CNIH3: variants seen among roughly 807,000 people sequenced by gnomAD.
CNIH3 encodes protein cornichon homolog 3.
Under a neutral mutation model 24.1 loss-of-function variants are expected in CNIH3, and 14 were observed. That is an observed-to-expected ratio of 0.58 (90% CI 0.38 to 0.91). CNIH3 has a LOEUF of 0.91. CNIH3 is among the 40% of genes least tolerant of loss of function. The pLI, the probability that CNIH3 is intolerant of heterozygous loss-of-function variation, is 0.00. For synonymous variants in CNIH3, 68 were observed against 73.8 expected, an observed-to-expected ratio of 0.92 and a Z score of 0.40; for missense variants, 178 against 196.8, an observed-to-expected ratio of 0.90 and a Z score of 0.57.
chr1:224,737,229 G>C (rs1689640981), intron 5 of CNIH3, among the ~76,000 whole-genome samples: 1 of 151,656 alleles, frequency 6.6e-6, no homozygotes, highest in Non-Finnish European at 1.5e-5. Context: ...GGTGGGAGGG[G>C]GTGGGGTAGG....
chr1:224,542,847 A>G (rs1282134758), intron 2 of CNIH3, among the ~76,000 whole-genome samples: 2 of 152,184 alleles, frequency 1.3e-5, no homozygotes, highest in Admixed American at 6.5e-5. Context: ...TTCTCCTGCT[A>G]TTGTATAATA....
chr1:224,645,048 G>A (rs1217183692), intron 1 of CNIH3, among the ~76,000 whole-genome samples: 1 of 152,194 alleles, frequency 6.6e-6, no homozygotes, highest in African/African-American at 2.4e-5. Flanking sequence ...CACTGGGAGT[G>A]GCGAACAGTG....
At position 224,617,024 on chromosome 1, in the gene CNIH3, C is replaced by A; in HGVS notation, c.-151C>A. On this transcript the variant is annotated 5_prime_UTR_variant, in exon 1 of 6. Coordinates refer to ENST00000272133, the MANE Select transcript of CNIH3 (RefSeq NM_152495.2). ...AATCCAGCGCTTATTCGCTGACCCT[C>A]GAGTCGCTTCGCTAGCTGTGCGCCC... is the stretch of plus-strand genomic sequence containing the variant. The A allele has an allele frequency of 7.0e-7, 1 of 1,424,946 alleles. No individual in the cohort carries two copies. Among genetic ancestry groups the A allele is most frequent in the Non-Finnish European group, 9.1e-7 (1 of 1,093,546 alleles). The allele number at this position is 1,424,946 out of a possible 1,614,324, so 88.3% of individuals were successfully genotyped here. A position where few individuals can be genotyped will look rare whatever the true frequency, so the allele number is the denominator to read the frequency against.
chr1:224,719,631 G>A (rs933681777), intron 3 of CNIH3, among the ~76,000 whole-genome samples: 13 of 152,128 alleles, frequency 8.5e-5, no homozygotes, highest in Non-Finnish European at 2.9e-5. Flanking sequence ...ACTCATAACA[G>A]TCCTATGAAT....
rs541515227 is a variant in CNIH3, at chr1:224,570,698, T to C, written n.516+4434T>C. Among the ~76,000 whole-genome samples, 4 of 152,322 alleles carry C rather than the reference T, an allele frequency of 2.6e-5. No homozygotes were observed. In the South Asian group the frequency reaches 6.2e-4, roughly 24 times the overall value. ...TCCAATTTTAGCTTAGCCAAACTTA[T>C]CAAACATTTCCTTTATAGTTTATAT... On this transcript the variant is annotated intron_variant and non_coding_transcript_variant, in intron 4 of 5. Coordinates refer to the CNIH3 transcript ENST00000471578.
chr1:224,522,454 T>A (rs890470970), intron 2 of CNIH3, among the ~76,000 whole-genome samples: 2 of 152,194 alleles, frequency 1.3e-5, no homozygotes, highest in African/African-American at 4.8e-5. Flanking sequence ...TATCAAAAGT[T>A]GTCACTGCAG....
chr1:224,706,074 G>T (rs866759738), intron 3 of CNIH3, among the ~76,000 whole-genome samples: 1 of 152,076 alleles, frequency 6.6e-6, no homozygotes, highest in Non-Finnish European at 1.5e-5. Flanking sequence ...GACAGGGACT[G>T]AGTCTGTTAT....
chr1:224,568,488 G>A (rs1474329597), intron 4 of CNIH3, among the ~76,000 whole-genome samples: 1 of 152,166 alleles, frequency 6.6e-6, no homozygotes, highest in Non-Finnish European at 1.5e-5. Context: ...CAGGCATGGT[G>A]GTTCATACCT....
At chr1:224,553,742 CT>C (rs1680021990) in intron 3 of CNIH3, among the ~76,000 whole-genome samples, 1 of 139,788 alleles carries the variant, frequency 7.2e-6, no homozygotes, top group South Asian at 2.5e-4. Context: ...GTTTTTCTTT[CT>C]TTCTTTTTTT....
intron 2 of CNIH3, among the ~76,000 whole-genome samples, chr1:224,530,160 C>T (rs891221472): frequency 1.3e-4 from 20 of 152,254 alleles, no homozygotes; most frequent in African/African-American, 4.6e-4. Context: ...CCCTGGGTCC[C>T]AAGGTAAGGT....
At chr1:224,535,010 A>G (rs1233237810) in intron 2 of CNIH3, among the ~76,000 whole-genome samples, 3 of 152,144 alleles carry the variant, frequency 2.0e-5, no homozygotes, top group African/African-American at 7.2e-5. Flanking sequence ...CTATATTTCC[A>G]CATCTGTCTG....
intron 2 of CNIH3, among the ~76,000 whole-genome samples, chr1:224,546,192 CT>C (rs1240210646): frequency 6.6e-6 from 1 of 152,154 alleles, no homozygotes; most frequent in Non-Finnish European, 1.5e-5. Context: ...AAGCAGCAAG[CT>C]TTGTTTCATT....
chr1:224,459,478 C>T (rs947864456), intron 1 of CNIH3, among the ~76,000 whole-genome samples: 4 of 152,164 alleles, frequency 2.6e-5, no homozygotes, highest in African/African-American at 9.7e-5. Context: ...AAATACCTCT[C>T]AGTAAAGAAA....
intron 3 of CNIH3, among the ~76,000 whole-genome samples, chr1:224,603,756 G>A (rs576670641): frequency 3.3e-5 from 5 of 152,084 alleles, no homozygotes; most frequent in South Asian, 2.1e-4. Flanking sequence ...ACGCTTGCAC[G>A]GTGTAAAGGA....
intron 4 of CNIH3, chr1:224,575,337 C>T: frequency 2.9e-6 from 3 of 1,024,284 alleles, no homozygotes; most frequent in Non-Finnish European, 4.6e-6. Context: ...AGGGTCTGTG[C>T]CTTGGTGAGC....
downstream of CNIH3, among the ~76,000 whole-genome samples, chr1:224,539,115 C>T (rs1038141488): frequency 1.3e-5 from 2 of 152,152 alleles, no homozygotes; most frequent in Non-Finnish European, 2.9e-5. Context: ...TGGATATTTT[C>T]CCATGCATTT....
At chr1:224,663,897 C>T (rs1685477065) in intron 1 of CNIH3, among the ~76,000 whole-genome samples, 2 of 152,208 alleles carry the variant, frequency 1.3e-5, no homozygotes, top group African/African-American at 4.8e-5. Context: ...TCTCCTGGCC[C>T]ATGGCTGCAG....
chr1:224,568,018 A>G (rs527833367), intron 4 of CNIH3, among the ~76,000 whole-genome samples: 59 of 152,238 alleles, frequency 3.9e-4, no homozygotes, highest in South Asian at 6.2e-4. Flanking sequence ...GAGGCCAGGC[A>G]CGGTGGCTCA....
chr1:224,441,581 A>G (rs1674917277), intron 1 of CNIH3, among the ~76,000 whole-genome samples: 1 of 152,262 alleles, frequency 6.6e-6, no homozygotes, highest in African/African-American at 2.4e-5. Flanking sequence ...GATAATCACA[A>G]TAATCAATGG....
Sources: gnomAD v4.1 joint callset for allele counts (sites outside exome capture counted in the v4.1 genomes callset) on GRCh38, gnomAD v4.1.1 for gene constraint, MANE v1.5 for transcripts, NCBI Gene and HGNC (gene_info 2026-07-23, HGNC 2026-07-21) for gene names.